QTRT2: variants seen among roughly 807,000 people sequenced by gnomAD.
QTRT2 encodes queuine tRNA-ribosyltransferase accessory subunit 2.
QTRT2 carries 32 observed loss-of-function variants against 44.8 expected under a neutral mutation model. The ratio of observed to expected loss-of-function variants is 0.71; its 90% confidence interval spans 0.54 to 0.96. QTRT2 has a LOEUF of 0.96. Among genes scored for constraint, QTRT2 ranks in the 40% least tolerant of loss-of-function variants. The pLI is 0.00. For missense variants in QTRT2, 461 were observed against 503.1 expected (o/e 0.92, Z 0.80); for synonymous variants, 182 against 187.4 (o/e 0.97, Z 0.24).
At chr3:114,075,805 G>A (rs187734331) in intron 6 of QTRT2, among the ~76,000 whole-genome samples, 90 of 152,186 alleles carry the variant, frequency 5.9e-4, no homozygotes, top group African/African-American at 2.1e-3. Flanking sequence ...TGCCTGGCAA[G>A]TTTTTGTACT....
chr3:114,081,197 A>G (rs2077161745), intron 8 of QTRT2, among the ~76,000 whole-genome samples: 1 of 151,934 alleles, frequency 6.6e-6, no homozygotes, highest in Non-Finnish European at 1.5e-5. Flanking sequence ...TGATTAGGAA[A>G]AAGGAAATAG....
intron 9 of QTRT2, among the ~76,000 whole-genome samples, chr3:114,085,072 T>C (rs532550742): frequency 2.0e-5 from 3 of 152,212 alleles, no homozygotes; most frequent in Non-Finnish European, 1.5e-5. Context: ...GCTTTTACAA[T>C]GTGATTAGTA....
In QTRT2 at chr3:114,070,755, A is replaced by G; in HGVS notation, c.463A>G (p.Thr155Ala). The change falls in exon 6 of 10, where the codon ACT (threonine) becomes GCT (alanine). Residue 155 changes from threonine to alanine, a missense_variant. By Grantham distance (58) the Thr-to-Ala change is moderately conservative (BLOSUM62 0). Coordinates refer to ENST00000281273, the MANE Select transcript of QTRT2 (RefSeq NM_024638.4). The part of the protein sequence containing the change: ...SDGEVSCKEA[T>A]SIKRVRKSVD... The stretch of plus-strand genomic sequence containing the variant: ...TGGAGAAGTATCTTGTAAGGAAGCA[A>G]CTTCCATAAAAAGGGTCAGAAAGTC... 2 of 1,614,024 alleles carry G rather than the reference A, an allele frequency of 1.2e-6. No homozygotes were observed. The highest frequency in any genetic ancestry group is 1.7e-6 in the Non-Finnish European group (2 of 1,179,956).
intron 6 of QTRT2, among the ~76,000 whole-genome samples, chr3:114,072,516 C>T (rs1311851967): frequency 6.6e-6 from 1 of 152,160 alleles, no homozygotes; most frequent in Non-Finnish European, 1.5e-5. Flanking sequence ...ATTTTAGCCC[C>T]AATCATATTG....
At chr3:114,074,091 TCTG>T (rs2077059013) in intron 6 of QTRT2, among the ~76,000 whole-genome samples, 1 of 152,182 alleles carries the variant, frequency 6.6e-6, no homozygotes, top group Non-Finnish European at 1.5e-5. Flanking sequence ...GTTAGTCACA[TCTG>T]CTGTGGAATC....
chr3:114,071,789 T>G (rs899395309), intron 6 of QTRT2, among the ~76,000 whole-genome samples: 7 of 152,220 alleles, frequency 4.6e-5, no homozygotes, highest in Non-Finnish European at 1.0e-4. Context: ...CCATTCTCAT[T>G]TTTATCCAAT....
intron 8 of QTRT2, among the ~76,000 whole-genome samples, chr3:114,082,266 T>A (rs2077177593): frequency 9.9e-6 from 1 of 101,432 alleles, no homozygotes; most frequent in Admixed American, 1.1e-4. Context: ...AACCAACAGT[T>A]AACTTTTGGT....
intron 9 of QTRT2, 61 bp downstream of exon 9, chr3:114,082,855 A>G (rs1184746275): frequency 2.6e-6 from 2 of 756,086 alleles, no homozygotes; most frequent in Non-Finnish European, 4.6e-6. Context: ...GTCTGTGTTA[A>G]AAGTTTATGG....
At chr3:114,077,713 T>A (rs1005034976) in intron 7 of QTRT2, 1 of 146,062 alleles carries the variant, frequency 6.8e-6, no homozygotes, top group Non-Finnish European at 1.5e-5. Context: ...TTTTACTACT[T>A]TTTTTTTTTT....
intron 8 of QTRT2, among the ~76,000 whole-genome samples, chr3:114,081,577 A>G (rs985792768): frequency 1.3e-4 from 20 of 152,146 alleles, no homozygotes; most frequent in Non-Finnish European, 2.6e-4. Context: ...AGCTGGGACT[A>G]CAGGTGCATG....
rs759642675 is a variant in QTRT2 at position 114,079,904 on chromosome 3, A to G, written c.747-2A>G. The G allele has an allele frequency of 6.2e-7, 1 of 1,612,596 alleles. No individual in the cohort carries two copies. Among genetic ancestry groups the G allele is most frequent in the Non-Finnish European group, 8.5e-7 (1 of 1,179,126 alleles). On this transcript the variant is annotated splice_acceptor_variant, in intron 7 of 9. Coordinates refer to ENST00000281273, the MANE Select transcript of QTRT2 (RefSeq NM_024638.4). LOFTEE classifies it high-confidence loss of function. ...TCACTGTTCTTATTCTTACTTTTAC[A>G]GGCTCATATCTGGTGTTAGTCGGCC...
rs372966600 is a variant in QTRT2 at position 114,070,769 on chromosome 3, G to A, written c.477G>A (p.Arg159=). 2 of 1,613,868 alleles carry A rather than the reference G, an allele frequency of 1.2e-6. No homozygotes were observed. The highest frequency in any genetic ancestry group is 1.3e-5 in the African/African-American group (1 of 74,878). ...VSCKEATSIK[R]VRKSVDRSLL... is the part of the protein sequence containing the mutation. ...GTAAGGAAGCAACTTCCATAAAAAG[G>A]GTCAGAAAGTCTGTTGACCGATCAC... Residue 159 remains arginine (R), a synonymous_variant, in exon 6 of 10, where the codon AGG becomes AGA. Transcript: ENST00000281273.
intron 2 of QTRT2, among the ~76,000 whole-genome samples, chr3:114,062,858 T>C (rs1236111916): frequency 6.6e-6 from 1 of 152,252 alleles, no homozygotes; most frequent in Non-Finnish European, 1.5e-5. Flanking sequence ...CGTGCCTTTA[T>C]ATGAATTTAA....
chr3:114,078,269 C>T (rs2077119355), intron 7 of QTRT2: 1 of 152,158 alleles, frequency 6.6e-6, no homozygotes, highest in African/African-American at 2.4e-5. Flanking sequence ...TAAGTGCTCA[C>T]AGATGTCTGT....
intron 7 of QTRT2, chr3:114,077,265 C>G: frequency 3.9e-6 from 1 of 258,934 alleles, no homozygotes; most frequent in Admixed American, 4.8e-5. Flanking sequence ...AATATGGTAC[C>G]TGGAGACCAA....
rs1275654553 is a variant in QTRT2 at position 114,088,133 on chromosome 3, A to G, written c.*2229A>G. On this transcript the variant is annotated 3_prime_UTR_variant, in exon 10 of 10. Coordinates refer to ENST00000281273, the MANE Select transcript of QTRT2 (RefSeq NM_024638.4). ...GTTCAAATGTTCATATTTTTGTTCT[A>G]TGCTAAATGCATCGTTAGGGGAGTA... 6.6e-6 allele frequency: 1 copy of G among 152,190 alleles called. No homozygotes were observed. Among genetic ancestry groups the G allele is most frequent in the Non-Finnish European group, 1.5e-5 (1 of 68,032 alleles). 9.4% of individuals were successfully genotyped at this position (152,190 alleles called of 1,614,324 possible). A position where few individuals can be genotyped will look rare whatever the true frequency, so the allele number is the denominator to read the frequency against.
At chr3:114,070,134 G>A (rs573429864) in intron 5 of QTRT2, among the ~76,000 whole-genome samples, 9 of 152,178 alleles carry the variant, frequency 5.9e-5, no homozygotes, top group Non-Finnish European at 1.2e-4. Flanking sequence ...AGGCAAAGAA[G>A]TAGAAGTTCC....
At chr3:114,065,577 A>G in intron 3 of QTRT2, 120 bp downstream of exon 3, 1 of 765,348 alleles carries the variant, frequency 1.3e-6, no homozygotes, top group Non-Finnish European at 2.1e-6. Flanking sequence ...TTCATAATGA[A>G]ATCAGAAGAG....
chr3:114,071,896 A>G (rs2077029131), intron 6 of QTRT2, among the ~76,000 whole-genome samples: 1 of 151,718 alleles, frequency 6.6e-6, no homozygotes, highest in African/African-American at 2.4e-5. Flanking sequence ...CTCCACTTCA[A>G]CTCTTACATG....
Sources: gnomAD v4.1 joint callset for allele counts (sites outside exome capture counted in the v4.1 genomes callset) on GRCh38, gnomAD v4.1.1 for gene constraint, MANE v1.5 for transcripts, NCBI Gene and HGNC (gene_info 2026-07-23, HGNC 2026-07-21) for gene names.